Variants in TMPO observed in about 807,000 individuals in gnomAD.
The protein encoded by TMPO is thymopoietin, also known as LEM domain containing 4.
A neutral mutation model predicts 45.4 loss-of-function variants in TMPO; 22 were observed. That is an observed-to-expected ratio of 0.48 (90% CI 0.35 to 0.69). The LOEUF (loss-of-function observed/expected upper bound fraction) is 0.69. Among genes scored for constraint, TMPO ranks in the 30% least tolerant of loss-of-function variants. TMPO has a pLI of 0.01. For missense variants in TMPO, 512 were observed against 548.8 expected, an observed-to-expected ratio of 0.93 and a Z score of 0.67; for synonymous variants, 241 against 204.1, an observed-to-expected ratio of 1.18 and a Z score of -1.54.
At chr12:98,519,124 C>T (rs1421509705) in intron 1 of TMPO, among the ~76,000 whole-genome samples, 1 of 152,066 alleles carries the variant, frequency 6.6e-6, no homozygotes, top group Non-Finnish European at 1.5e-5. Flanking sequence ...CCTCGTGATC[C>T]TCCCGTCTCG....
intron 4 of TMPO, among the ~76,000 whole-genome samples, chr12:98,541,038 T>A (rs1308948499): frequency 7.3e-6 from 1 of 137,424 alleles, no homozygotes; most frequent in East Asian, 2.0e-4. Flanking sequence ...GTTACAGTCA[T>A]CATTCTTTTT....
At chr12:98,536,545 G>C (rs1877577827) in intron 3 of TMPO, among the ~76,000 whole-genome samples, 1 of 152,012 alleles carries the variant, frequency 6.6e-6, no homozygotes, top group Admixed American at 6.6e-5. Flanking sequence ...GTAGAGACGG[G>C]GTTTCACCAT....
intron 3 of TMPO, 49 bp downstream of exon 3, chr12:98,531,887 CAA>C: frequency 6.6e-7 from 1 of 1,513,896 alleles, no homozygotes; most frequent in Non-Finnish European, 9.1e-7. Context: ...TTTTCACACT[CAA>C]AATTCAGTGA....
rs780719278 is a variant in TMPO at position 98,533,228 on chromosome 12, A to G, written c.565+1390A>G. 31 of 1,613,914 alleles carry G rather than the reference A, an allele frequency of 1.9e-5. No individual in the cohort carries two copies. The highest frequency in any genetic ancestry group is 2.5e-5 in the Non-Finnish European group (30 of 1,180,036). ...GAAACCACCACTGGTTACTATAAAG[A>G]CATAGTAGAAAATATTTGCGGTAGA... On this transcript the variant is annotated intron_variant, in intron 3 of 8. Coordinates refer to ENST00000556029, the MANE Select transcript of TMPO (RefSeq NM_001032283.3).
rs1878464349 is a variant in TMPO at position 98,550,327 on chromosome 12, A to G, written c.*2469A>G. 3 of 152,238 alleles carry G rather than the reference A, an allele frequency of 2.0e-5. No homozygotes were observed. The highest frequency in any genetic ancestry group is 4.4e-5 in the Non-Finnish European group (3 of 68,040). The allele number at this position is 152,238 out of a possible 1,614,324, so 9.4% of individuals were successfully genotyped here. ...ATTAACCTCTAGTTTTGTCGTTGCA[A>G]TAAATGGTTTTCAGATAGCACAAAC... On this transcript the variant is annotated 3_prime_UTR_variant, in exon 9 of 9. Transcript: ENST00000556029.
intron 7 of TMPO, 58 bp downstream of exon 7, chr12:98,545,119 A>C: frequency 1.8e-6 from 2 of 1,096,318 alleles, no homozygotes; most frequent in Non-Finnish European, 2.7e-6. Flanking sequence ...GGAAATATAA[A>C]TATTTGTTTG....
intron 4 of TMPO, among the ~76,000 whole-genome samples, chr12:98,538,536 A>G (rs1015590230): frequency 5.9e-5 from 9 of 152,202 alleles, no homozygotes; most frequent in Middle Eastern, 3.4e-3. Context: ...TATTTTTAGT[A>G]GAGACGGGGT....
chr12:98,547,500 CATTTT>C, intron 8 of TMPO, 68 bp from the exon 9 acceptor site: 1 of 1,574,724 alleles, frequency 6.4e-7, no homozygotes, highest in Non-Finnish European at 8.7e-7. Flanking sequence ...GTGGCAATGA[CATTTT>C]ATGTTATTTC....
intron 1 of TMPO, among the ~76,000 whole-genome samples, chr12:98,523,074 T>G (rs1344514164): frequency 5.3e-5 from 8 of 152,194 alleles, no homozygotes; most frequent in Non-Finnish European, 1.2e-4. Context: ...AGTGAAACTC[T>G]TAAGTGATCT....
chr12:98,528,499 G>A (rs1456754068), intron 2 of TMPO, among the ~76,000 whole-genome samples: 4 of 151,916 alleles, frequency 2.6e-5, no homozygotes, highest in Non-Finnish European at 2.9e-5. Flanking sequence ...GGATGGTCTC[G>A]ATCTTCTGAC....
At chr12:98,516,468 C>G in intron 1 of TMPO, 1 of 1,128,142 alleles carries the variant, frequency 8.9e-7, no homozygotes, top group Non-Finnish European at 1.1e-6. Flanking sequence ...TAGACGGGGA[C>G]TTCCGTGCCC....
At chr12:98,526,621 A>G (rs892294733) in intron 1 of TMPO, among the ~76,000 whole-genome samples, 22 of 152,164 alleles carry the variant, frequency 1.4e-4, no homozygotes, top group Admixed American at 1.3e-3. Context: ...TGGAGAGCCA[A>G]CTGTATTCAT....
chr12:98,546,053 T>TA (rs1308650389), intron 7 of TMPO, among the ~76,000 whole-genome samples: 50 of 152,038 alleles, frequency 3.3e-4, no homozygotes, highest in Non-Finnish European at 6.3e-4. Context: ...CTCTTAATAG[T>TA]AAAAAACAAA....
chr12:98,537,530 G>A lies in TMPO; in HGVS notation c.621G>A (p.Lys207=), dbSNP rs1877645275. ...GAGAACCACTAAAGGGCAGAGCAAA[G>A]ACTCCAGTAACACTCAAGCAAAGAA... is the stretch of plus-strand genomic sequence containing the variant. ...EKREPLKGRA[K]TPVTLKQRRV... Residue 207 remains lysine, a synonymous_variant, in exon 4 of 9, where the codon AAG becomes AAA. Transcript: ENST00000556029. The A allele has an allele frequency of 1.2e-6, 2 of 1,613,628 alleles. No homozygotes were observed. The highest frequency in any genetic ancestry group is 1.7e-6 in the Non-Finnish European group (2 of 1,179,762).
At chr12:98,543,889 T>G (rs959825893) in intron 4 of TMPO, among the ~76,000 whole-genome samples, 1 of 152,236 alleles carries the variant, frequency 6.6e-6, no homozygotes, top group African/African-American at 2.4e-5. Flanking sequence ...GTCTGCTTTT[T>G]GTTTAGACAG....
At chr12:98,534,882 A>G (rs1877476583) in intron 3 of TMPO, 6 of 985,746 alleles carry the variant, frequency 6.1e-6, no homozygotes, top group South Asian at 9.3e-5. Context: ...GTCTAGATCA[A>G]TGCAACTCAA....
intron 4 of TMPO, 157 bp downstream of exon 4, chr12:98,537,729 T>G: frequency 1.4e-6 from 1 of 738,790 alleles, no homozygotes; most frequent in Non-Finnish European, 2.4e-6. Context: ...ACTTTGTGGG[T>G]TTTGTCAGTA....
At chr12:98,535,531 A>G in intron 3 of TMPO, 2 of 985,396 alleles carry the variant, frequency 2.0e-6, no homozygotes, top group Non-Finnish European at 2.4e-6. Context: ...GTCTTCTGAA[A>G]TGTACATGTA....
chr12:98,519,775 G>A (rs1349038058), intron 1 of TMPO, among the ~76,000 whole-genome samples: 2 of 152,032 alleles, frequency 1.3e-5, no homozygotes, highest in Non-Finnish European at 2.9e-5. Flanking sequence ...GAGTCTGTTC[G>A]ATGTTTTTAT....
Sources: allele counts gnomAD v4.1 joint callset (sites outside exome capture counted in the v4.1 genomes callset), GRCh38; gene constraint gnomAD v4.1.1; transcripts MANE v1.5; gene names NCBI Gene and HGNC (gene_info 2026-07-23, HGNC 2026-07-21).